Variants in GRID2 observed in about 807,000 individuals in gnomAD.
GRID2 encodes the protein glutamate ionotropic receptor delta type subunit 2.
In GRID2, 33 loss-of-function variants were observed where a neutral mutation model predicts 114.8. That is an observed-to-expected ratio of 0.29 (90% CI 0.22 to 0.38). The LOEUF is 0.38. Ranked by LOEUF, GRID2 falls within the 10% of genes least tolerant of loss-of-function variation. The pLI, the probability that GRID2 is intolerant of heterozygous loss-of-function variation, is 1.00. For missense variants in GRID2, 1,184 were observed against 1,257.7 expected (o/e 0.94, Z 0.89); for synonymous variants, 505 against 449.9 (o/e 1.12, Z -1.55).
Position 92,304,512 on chromosome 4 carries a change from T to TA in GRID2, c.-141dup, listed in dbSNP as rs1302815537. 6.1e-6 allele frequency: 4 copies of TA among 657,210 alleles called. No homozygotes were observed. Among genetic ancestry groups the TA allele is most frequent in the Non-Finnish European group, 1.1e-5 (4 of 369,714 alleles). 40.7% of individuals were successfully genotyped at this position (657,210 alleles called of 1,614,324 possible). A position where few individuals can be genotyped will look rare whatever the true frequency, so the allele number is the denominator to read the frequency against. ...TCCCTTCTGCCTTTCTCGGCGACGA[T>TA]AAAAGGCTTTGCTCTGGCAATAGGA... On this transcript the variant is annotated 5_prime_UTR_variant, in exon 1 of 16. Coordinates refer to ENST00000282020, the MANE Select transcript of GRID2 (RefSeq NM_001510.4).
chr4:93,049,441 A>G (rs1726481817), intron 2 of GRID2, among the ~76,000 whole-genome samples: 1 of 151,936 alleles, frequency 6.6e-6, no homozygotes, highest in African/African-American at 2.4e-5. Context: ...TACTAATTAC[A>G]ATTCAAAATA....
At chr4:93,328,364 T>C (rs1045094241) in intron 8 of GRID2, among the ~76,000 whole-genome samples, 1 of 152,136 alleles carries the variant, frequency 6.6e-6, no homozygotes, top group African/African-American at 2.4e-5. Flanking sequence ...TTTCATTGTA[T>C]GAAAAAGAAA....
At chr4:93,125,007 A>C (rs1734139965) in intron 4 of GRID2, among the ~76,000 whole-genome samples, 2 of 152,092 alleles carry the variant, frequency 1.3e-5, no homozygotes, top group African/African-American at 4.8e-5. Flanking sequence ...CTACTTGTAG[A>C]AAAGTGTTAG....
At chr4:93,396,830 A>T (rs900768513) in intron 9 of GRID2, among the ~76,000 whole-genome samples, 1 of 152,068 alleles carries the variant, frequency 6.6e-6, no homozygotes, top group African/African-American at 2.4e-5. Context: ...CTAAATAGCC[A>T]TAAACCACGA....
intron 2 of GRID2, among the ~76,000 whole-genome samples, chr4:92,921,890 TTA>T (rs1397188060): frequency 6.6e-6 from 1 of 152,204 alleles, no homozygotes; most frequent in African/African-American, 2.4e-5. Context: ...ACGGGTACAT[TTA>T]AGTCTGCAGA....
intron 2 of GRID2, among the ~76,000 whole-genome samples, chr4:93,024,211 C>T (rs961785886): frequency 8.6e-5 from 13 of 151,700 alleles, no homozygotes; most frequent in African/African-American, 3.1e-4. Context: ...TTTAATGAAA[C>T]TCCAAAATGT....
At chr4:93,413,063 G>A (rs1000384941) in intron 9 of GRID2, among the ~76,000 whole-genome samples, 11 of 152,142 alleles carry the variant, frequency 7.2e-5, no homozygotes, top group Non-Finnish European at 1.5e-4. Flanking sequence ...ACATCTGTGT[G>A]TATGTGTCTT....
chr4:93,343,142 C>CTGTG (rs150132437), intron 8 of GRID2, among the ~76,000 whole-genome samples: 1,198 of 40,150 alleles, frequency 0.03, 9 homozygotes, highest in African/African-American at 0.05. Context: ...TGTGAGGTGA[C>CTGTG]TGTGTGTGTG....
chr4:92,964,025 C>A (rs898036006), intron 2 of GRID2, among the ~76,000 whole-genome samples: 2 of 152,008 alleles, frequency 1.3e-5, no homozygotes, highest in African/African-American at 2.4e-5. Context: ...CAGTTCGCAG[C>A]AGTGGCCTTA....
At chr4:92,980,935 C>T (rs780258002) in intron 2 of GRID2, among the ~76,000 whole-genome samples, 1 of 152,086 alleles carries the variant, frequency 6.6e-6, no homozygotes, top group Non-Finnish European at 1.5e-5. Context: ...GTTTCACTTA[C>T]TTTCCATGGC....
intron 2 of GRID2, among the ~76,000 whole-genome samples, chr4:92,989,630 A>T (rs1754743934): frequency 6.6e-6 from 1 of 152,206 alleles, no homozygotes; most frequent in Admixed American, 6.5e-5. Flanking sequence ...TGAAATTTTT[A>T]ATGTCATGAC....
At chr4:93,620,112 G>A (rs1157337363) in intron 13 of GRID2, among the ~76,000 whole-genome samples, 1 of 152,180 alleles carries the variant, frequency 6.6e-6, no homozygotes, top group South Asian at 2.1e-4. Context: ...TCACAGTGTT[G>A]TAAAGAACAA....
At chr4:92,513,800 T>A (rs1400200719) in intron 1 of GRID2, among the ~76,000 whole-genome samples, 3 of 151,854 alleles carry the variant, frequency 2.0e-5, no homozygotes, top group African/African-American at 2.4e-5. Flanking sequence ...GGTAAATAAA[T>A]GAATGAATGA....
intron 8 of GRID2, among the ~76,000 whole-genome samples, chr4:93,361,465 G>A (rs1761869734): frequency 1.4e-5 from 2 of 143,058 alleles, no homozygotes; most frequent in Admixed American, 1.4e-4. Flanking sequence ...AAATGTTACT[G>A]TGATTATTAT....
intron 1 of GRID2, among the ~76,000 whole-genome samples, chr4:92,398,257 G>C (rs2110274823): frequency 6.6e-6 from 1 of 152,232 alleles, no homozygotes; most frequent in Non-Finnish European, 1.5e-5. Flanking sequence ...CCAAAGAGCA[G>C]CATGTATCAA....
chr4:93,161,903 T>G (rs1579156389), intron 4 of GRID2, among the ~76,000 whole-genome samples: 1 of 151,960 alleles, frequency 6.6e-6, no homozygotes, highest in East Asian at 1.9e-4. Flanking sequence ...TTCTAATTTT[T>G]TATCTCATAA....
chr4:92,896,153 A>T, intron 2 of GRID2, among the ~76,000 whole-genome samples: 1 of 152,172 alleles, frequency 6.6e-6, no homozygotes, highest in East Asian at 1.9e-4. Flanking sequence ...CTAAAAAGAG[A>T]AGTTTTTTAA....
intron 1 of GRID2, among the ~76,000 whole-genome samples, chr4:92,364,933 C>A (rs1428981052): frequency 6.6e-6 from 1 of 152,030 alleles, no homozygotes; most frequent in Non-Finnish European, 1.5e-5. Context: ...TGACCCACTG[C>A]CCTGTTTCCT....
intron 2 of GRID2, among the ~76,000 whole-genome samples, chr4:92,709,574 A>G (rs1199326838): frequency 8.6e-6 from 1 of 116,314 alleles, no homozygotes; most frequent in Non-Finnish European, 1.7e-5. Context: ...AGTGTAGAGA[A>G]AAAAAAAAAA....
Sources: gnomAD v4.1 joint callset for allele counts (sites outside exome capture counted in the v4.1 genomes callset) on GRCh38, gnomAD v4.1.1 for gene constraint, MANE v1.5 for transcripts, NCBI Gene and HGNC (gene_info 2026-07-23, HGNC 2026-07-21) for gene names.